Variants in CPT2 observed in about 807,000 individuals in gnomAD.
The protein encoded by CPT2 is carnitine palmitoyltransferase 2.
A neutral mutation model predicts 48.6 loss-of-function variants in CPT2; 37 were observed. The ratio of observed to expected loss-of-function variants is 0.76; its 90% CI spans 0.59 to 1.00. The LOEUF (loss-of-function observed/expected upper bound fraction) is 1.00. CPT2 is among the 50% of genes least tolerant of loss of function. The pLI is 0.00. For synonymous variants in CPT2, 319 were observed against 326.9 expected, an observed-to-expected ratio of 0.98 and a Z score of 0.26; for missense variants, 772 against 825.6, an observed-to-expected ratio of 0.94 and a Z score of 0.80.
intron 3 of CPT2, among the ~76,000 whole-genome samples, chr1:53,207,083 G>A (rs570395103): frequency 1.3e-5 from 2 of 152,318 alleles, no homozygotes; most frequent in East Asian, 3.9e-4. Flanking sequence ...TGGTTTAAAA[G>A]TGTTTGGCAG....
At chr1:53,207,995 A>T (rs914562939) in intron 3 of CPT2, 4 of 152,216 alleles carry the variant, frequency 2.6e-5, no homozygotes, top group Non-Finnish European at 4.4e-5. Context: ...TACCAGTTGC[A>T]TAAGTGCTTT....
At position 53,196,828 on chromosome 1, in the gene CPT2, A is replaced by T. The variant is rs1483325439; in HGVS notation, c.-116A>T. 6 of 1,336,166 alleles carry T rather than the reference A, an allele frequency of 4.5e-6. No homozygotes were observed. In the Admixed American group the frequency reaches 1.0e-4, roughly 23 times the overall value. The allele number at this position is 1,336,166 out of a possible 1,614,324, so 82.8% of individuals were successfully genotyped here. The stretch of plus-strand genomic sequence containing the variant: ...GGCCGGAAGTGGCCTGCGGGCGGAG[A>T]AGTGCCTCAGGAGTCCTGACGCAGT... On this transcript the variant is annotated 5_prime_UTR_variant, in exon 1 of 5. Coordinates refer to ENST00000371486, the MANE Select transcript of CPT2 (RefSeq NM_000098.3).
chr1:53,201,842 G>A (rs561394684), intron 2 of CPT2: 140 of 173,462 alleles, frequency 8.1e-4, no homozygotes, highest in African/African-American at 3.0e-3. Flanking sequence ...CTCTTGATAT[G>A]GTAATAGCTA....
intron 3 of CPT2, chr1:53,204,129 T>C (rs1645371439): frequency 6.6e-6 from 1 of 152,216 alleles, no homozygotes; most frequent in African/African-American, 2.4e-5. Context: ...ATCTGGAATC[T>C]CATCCTTCAG....
chr1:53,210,307 C>A lies in CPT2; in HGVS notation c.633C>A (p.Pro211=), dbSNP rs201622710. The A allele has an allele frequency of 1.2e-6, 2 of 1,614,160 alleles. No homozygotes were observed. The highest frequency in any genetic ancestry group is 1.7e-6 in the Non-Finnish European group (2 of 1,180,034). ...GGGCCTACCTGGTCAATGCGTATCCCCTGGATATGTCCCAGTATTTTCGGC... is the reference window on the plus strand; with the variant it reads ...GGGCCTACCTGGTCAATGCGTATCCACTGGATATGTCCCAGTATTTTCGGC... ...WYGAYLVNAY[P]LDMSQYFRLF... is the part of the protein sequence containing the mutation. The change falls in exon 4 of 5, where the codon CCC becomes CCA. Residue 211 remains proline (P), a synonymous_variant. Coordinates refer to ENST00000371486, the MANE Select transcript of CPT2 (RefSeq NM_000098.3).
chr1:53,204,623 T>G (rs1572381925), intron 3 of CPT2, among the ~76,000 whole-genome samples: 1 of 152,308 alleles, frequency 6.6e-6, no homozygotes, highest in Non-Finnish European at 1.5e-5. Context: ...CAGGCTTTGC[T>G]CTAATGTGAT....
At position 53,197,052 on chromosome 1, in the gene CPT2, C is replaced by G; in HGVS notation, c.109C>G (p.Arg37Gly). 1 of 1,539,124 alleles carries G rather than the reference C, an allele frequency of 6.5e-7. No homozygotes were observed. Among genetic ancestry groups the G allele is most frequent in the Non-Finnish European group, 8.7e-7 (1 of 1,146,430 alleles). ...CTCCGGGCCCGGCCAGTACCTGCAG[C>G]GCAGCATCGTGCCCACCATGCACTA... is the stretch of plus-strand genomic sequence containing the variant. The part of the protein sequence containing the change: ...AGSGPGQYLQ[R>G]SIVPTMHYQD... The change falls in exon 1 of 5, where the codon CGC (arginine) becomes GGC (glycine). Residue 37 changes from arginine (R) to glycine (G), a missense_variant. Coordinates refer to ENST00000371486, the MANE Select transcript of CPT2 (RefSeq NM_000098.3).
rs1481594550 is a variant in CPT2, at chr1:53,213,367, C to T, written c.1749C>T (p.Asn583=). The change falls in exon 5 of 5, where the codon AAC becomes AAT. Residue 583 remains asparagine (N), a synonymous_variant. Coordinates refer to ENST00000371486, the MANE Select transcript of CPT2 (RefSeq NM_000098.3). ...LYLDPAYGQI[N]HNVLSTSTLS... is the part of the protein sequence containing the mutation. The stretch of plus-strand genomic sequence containing the variant: ...TGGACCCTGCATACGGGCAGATAAA[C>T]CACAATGTCCTGTCCACGAGCACAC... 4.3e-6 allele frequency: 7 copies of T among 1,614,134 alleles called. No individual in the cohort carries two copies. In the South Asian group the frequency reaches 5.5e-5, roughly 13 times the overall value.
intron 4 of CPT2, chr1:53,212,960 T>A: frequency 1.7e-6 from 1 of 589,412 alleles, no homozygotes; most frequent in Non-Finnish European, 3.0e-6. Context: ...TGTACTGTCT[T>A]GACTCTTTGA....
Position 53,210,448 on chromosome 1 carries a change from T to A in CPT2, c.774T>A (p.Asp258Glu), listed in dbSNP as rs1645415748. 1 of 1,613,988 alleles carries A rather than the reference T, an allele frequency of 6.2e-7. No homozygotes were observed. Among genetic ancestry groups the A allele is most frequent in the Non-Finnish European group, 8.5e-7 (1 of 1,180,046 alleles). The change falls in exon 4 of 5, where the codon GAT becomes GAA. Residue 258 changes from aspartate (D) to glutamate (E), a missense_variant. Physicochemically the swap from Asp to Glu is conservative, Grantham distance 45. Transcript: ENST00000371486. ...ATTTTTATATCTTTGATGTCCTGGATCAAGATGGGAACATTGTGAGCCCCT... is the reference window on the plus strand; with the variant it reads ...ATTTTTATATCTTTGATGTCCTGGAACAAGATGGGAACATTGTGAGCCCCT... ...KGNFYIFDVLDQDGNIVSPSE... is the reference protein window; with the variant it reads ...KGNFYIFDVLEQDGNIVSPSE...
At chr1:53,201,198 A>T in intron 2 of CPT2, 1 of 261,960 alleles carries the variant, frequency 3.8e-6, no homozygotes, top group South Asian at 4.8e-5. Context: ...TGCCTCCAAA[A>T]TTTATGCCCT....
Position 53,210,640 on chromosome 1 carries a change from G to A in CPT2, c.966G>A (p.Val322=), listed in dbSNP as rs986941002. The change falls in exon 4 of 5, where the codon GTG becomes GTA. Residue 322 remains valine (V), a synonymous_variant. Coordinates refer to ENST00000371486, the MANE Select transcript of CPT2 (RefSeq NM_000098.3). Reference sequence around the variant, plus strand: ...GCCTGAGGAAAGTGGACTCGGCAGTGTTCTGTCTCTGCCTAGATGACTTCC... The same window carrying A: ...GCCTGAGGAAAGTGGACTCGGCAGTATTCTGTCTCTGCCTAGATGACTTCC... The part of the protein sequence containing the change: ...EESLRKVDSA[V]FCLCLDDFPI... 2 of 1,614,184 alleles carry A rather than the reference G, an allele frequency of 1.2e-6. No homozygotes were observed. The highest frequency in any genetic ancestry group is 1.7e-5 in the Admixed American group (1 of 60,026).
intron 2 of CPT2, chr1:53,201,164 G>A: frequency 3.2e-6 from 1 of 317,450 alleles, no homozygotes; most frequent in South Asian, 3.2e-5. Context: ...TGCATCGTGA[G>A]CATGTTTATT....
Position 53,196,915 on chromosome 1 carries a change from C to T in CPT2, c.-29C>T, listed in dbSNP as rs1256996218. ...AGACTCCAGAACTCCCCACTTGCCG[C>T]GTTCTCGCCGCCGCAGGCTCCCGGG... is the stretch of plus-strand genomic sequence containing the variant. On this transcript the variant is annotated 5_prime_UTR_variant, in exon 1 of 5. Transcript: ENST00000371486. 23 of 1,538,150 alleles carry T rather than the reference C, an allele frequency of 1.5e-5. No homozygotes were observed. The highest frequency in any genetic ancestry group is 2.5e-5 in the East Asian group (1 of 39,892).
chr1:53,211,621 A>C, intron 4 of CPT2: 2 of 423,970 alleles, frequency 4.7e-6, no homozygotes, highest in Non-Finnish European at 8.1e-6. Flanking sequence ...TTTTTTTTGG[A>C]GACAAGAGTT....
chr1:53,197,643 C>A (rs527598742), intron 1 of CPT2: 1 of 216,358 alleles, frequency 4.6e-6, no homozygotes, highest in Non-Finnish European at 9.4e-6. Flanking sequence ...CATGAGCCCC[C>A]ACAAGCACAG....
rs548364005 is a variant in CPT2, at chr1:53,211,150, C to T, written c.1476C>T (p.Ala492=). The T allele has an allele frequency of 9.9e-6, 16 of 1,612,606 alleles. No individual in the cohort carries two copies. Among genetic ancestry groups the T allele is most frequent in the African/African-American group, 4.0e-5 (3 of 75,010 alleles). Residue 492 remains alanine (A), a synonymous_variant, in exon 4 of 5, where the codon GCC becomes GCT. Coordinates refer to ENST00000371486, the MANE Select transcript of CPT2 (RefSeq NM_000098.3). ...CCACCTACGAGTCCTGTAGCACTGC[C>T]GCATTCAAGCACGGCCGCACTGAGA... ...TVATYESCST[A]AFKHGRTETI...
chr1:53,211,016 T>G lies in CPT2; in HGVS notation c.1342T>G (p.Phe448Val), dbSNP rs74315297. Reference sequence around the variant, plus strand: ...AACCCTCACTATTGACTGCGTCCAGTTTCAGAGAGGAGGCAAAGAATTCCT... The same window carrying G: ...AACCCTCACTATTGACTGCGTCCAGGTTCAGAGAGGAGGCAAAGAATTCCT... ...MKTLTIDCVQ[F>V]QRGGKEFLKK... The change falls in exon 4 of 5, where the codon TTT becomes GTT. Residue 448 changes from phenylalanine to valine, a missense_variant. Physicochemically the swap from Phe to Val is conservative, Grantham distance 50 (BLOSUM62 -1). Transcript: ENST00000371486. The G allele has an allele frequency of 1.2e-6, 2 of 1,614,056 alleles. No individual in the cohort carries two copies. The highest frequency in any genetic ancestry group is 1.7e-6 in the Non-Finnish European group (2 of 1,180,032).
At position 53,200,819 on chromosome 1, in the gene CPT2, G is replaced by C. The variant is rs766280103; in HGVS notation, c.233+20G>C. ...GTTCAGGTAAACACTGAGAACCTTGGGTGAGCATAGTTGGGGTGGTTCAAG... is the reference window on the plus strand; with the variant it reads ...GTTCAGGTAAACACTGAGAACCTTGCGTGAGCATAGTTGGGGTGGTTCAAG... On this transcript the variant is annotated intron_variant, in intron 2 of 4. Coordinates refer to ENST00000371486, the MANE Select transcript of CPT2 (RefSeq NM_000098.3). 2.5e-6 allele frequency: 4 copies of C among 1,592,992 alleles called. No individual in the cohort carries two copies. Among genetic ancestry groups the C allele is most frequent in the South Asian group, 1.1e-5 (1 of 90,668 alleles).
Sources: gnomAD v4.1 joint callset for allele counts (sites outside exome capture counted in the v4.1 genomes callset) on GRCh38, gnomAD v4.1.1 for gene constraint, MANE v1.5 for transcripts, NCBI Gene and HGNC (gene_info 2026-07-23, HGNC 2026-07-21) for gene names.